The following CCDC18 variants were observed in gnomAD, a reference collection of about 807,000 sequenced individuals.
CCDC18 encodes coiled-coil domain-containing protein 18.
CCDC18 carries 157 observed loss-of-function variants against 196.0 expected under a neutral mutation model. The ratio of observed to expected loss-of-function variants is 0.80; its 90% confidence interval spans 0.70 to 0.91. CCDC18 has a LOEUF of 0.91. Ranked by LOEUF, CCDC18 falls within the 40% of genes least tolerant of loss-of-function variation. CCDC18 has a pLI of 0.00. For synonymous variants in CCDC18, 482 were observed against 529.2 expected, an observed-to-expected ratio of 0.91 and a Z score of 1.22; for missense variants, 1,465 against 1,611.6, an observed-to-expected ratio of 0.91 and a Z score of 1.56.
chr1:93,266,750 G>T (rs1664575593), intron 27 of CCDC18, among the ~76,000 whole-genome samples: 1 of 152,164 alleles, frequency 6.6e-6, no homozygotes, highest in Non-Finnish European at 1.5e-5. Flanking sequence ...CCAGGAAGAA[G>T]TTGAATCCCT....
chr1:93,193,734 C>G lies in CCDC18; in HGVS notation c.688C>G (p.Gln230Glu), dbSNP rs1317437048. ...LKVDLLEQTK[Q>E]GKRAERQRNE... ...GGTGGACTTACTTGAACAAACCAAA[C>G]AAGGAAAAAGGTATGTGTTTTTAAA... is the stretch of plus-strand genomic sequence containing the variant. Residue 230 changes from glutamine (Q) to glutamate (E), a missense_variant, in exon 6 of 29, where the codon CAA (glutamine) becomes GAA (glutamate). By Grantham distance (29) the Gln-to-Glu change is conservative (BLOSUM62 2). Transcript: ENST00000690025. 6.4e-7 allele frequency: 1 copy of G among 1,558,886 alleles called. No homozygotes were observed. Among genetic ancestry groups the G allele is most frequent in the Non-Finnish European group, 8.6e-7 (1 of 1,159,070 alleles).
At chr1:93,200,886 G>A (rs144722857) in intron 6 of CCDC18, among the ~76,000 whole-genome samples, 2 of 152,332 alleles carry the variant, frequency 1.3e-5, no homozygotes, top group African/African-American at 2.4e-5. Context: ...GAAGGTTTTT[G>A]TTTGTTTAAG....
At chr1:93,271,154 G>C in intron 28 of CCDC18, 1 of 985,224 alleles carries the variant, frequency 1.0e-6, no homozygotes, top group Non-Finnish European at 1.2e-6. Flanking sequence ...AGAGAAAGTA[G>C]GTTCTGAGGT....
intron 4 of CCDC18, among the ~76,000 whole-genome samples, chr1:93,187,437 C>T (rs957325693): frequency 6.6e-6 from 1 of 151,478 alleles, no homozygotes; most frequent in African/African-American, 2.4e-5. Context: ...GTGCATGTGT[C>T]TGTGTGTGTG....
intron 26 of CCDC18, among the ~76,000 whole-genome samples, chr1:93,263,937 G>A (rs989830622): frequency 1.1e-4 from 16 of 152,128 alleles, no homozygotes; most frequent in South Asian, 1.0e-3. Flanking sequence ...AAGGGCTGTC[G>A]CTGGATCTAC....
chr1:93,201,081 G>C (rs751071389), intron 6 of CCDC18, among the ~76,000 whole-genome samples: 1 of 152,116 alleles, frequency 6.6e-6, no homozygotes, highest in African/African-American at 2.4e-5. Flanking sequence ...ACTTGAACTT[G>C]TTTATACTTG....
rs199926520 is a variant in CCDC18 at position 93,204,691 on chromosome 1, TGTGA to T, written c.796-816_796-813del. On this transcript the variant is annotated intron_variant, in intron 7 of 28. Transcript: ENST00000690025. ...AGTGGTCATTCCTTTGCAGTAAAAC[TGTGA>T]GTATCACTTGGCAGTGTAAAATATT... is the stretch of plus-strand genomic sequence containing the variant. 6.6e-3 allele frequency among the ~76,000 whole-genome samples: 1,002 copies of T among 152,270 alleles called. 10 individuals carry two copies. The highest frequency in any genetic ancestry group is 8.4e-3 in the Non-Finnish European group (570 of 67,996).
intron 10 of CCDC18, among the ~76,000 whole-genome samples, chr1:93,211,261 G>C (rs543922731): frequency 2.3e-5 from 3 of 132,110 alleles, no homozygotes; most frequent in East Asian, 2.3e-4. Flanking sequence ...CTGAGCAACA[G>C]AGTGAGACTC....
chr1:93,216,060 G>T (rs1461381397), intron 12 of CCDC18, among the ~76,000 whole-genome samples: 1 of 152,224 alleles, frequency 6.6e-6, no homozygotes, highest in Non-Finnish European at 1.5e-5. Flanking sequence ...AGCCAAGGCT[G>T]AGGAAAAAGA....
chr1:93,266,206 C>T (rs555944366), intron 27 of CCDC18, among the ~76,000 whole-genome samples: 26 of 152,176 alleles, frequency 1.7e-4, no homozygotes, highest in Admixed American at 5.9e-4. Flanking sequence ...GGGTACATAA[C>T]GAAATGAAGG....
chr1:93,191,922 C>T (rs758897539), intron 4 of CCDC18, 78 bp from the exon 5 acceptor site: 5 of 949,782 alleles, frequency 5.3e-6, no homozygotes, highest in Non-Finnish European at 8.3e-6. Context: ...ACACCCTCAT[C>T]TGACAGGAAA....
chr1:93,191,887 A>G, intron 4 of CCDC18, 113 bp from the exon 5 acceptor site: 1 of 655,650 alleles, frequency 1.5e-6, no homozygotes, highest in Non-Finnish European at 2.7e-6. Context: ...TTTATATCTG[A>G]CCAATGATTT....
At chr1:93,201,500 G>T (rs1157825517) in intron 6 of CCDC18, among the ~76,000 whole-genome samples, 1 of 151,912 alleles carries the variant, frequency 6.6e-6, no homozygotes, top group Non-Finnish European at 1.5e-5. Context: ...AAAGGTCACA[G>T]AATTTACTGA....
At chr1:93,208,284 C>T (rs1655027951) in intron 9 of CCDC18, among the ~76,000 whole-genome samples, 1 of 151,990 alleles carries the variant, frequency 6.6e-6, no homozygotes, top group Non-Finnish European at 1.5e-5. Context: ...TTATTATAAC[C>T]ATCTTAGTGG....
intron 6 of CCDC18, among the ~76,000 whole-genome samples, chr1:93,201,187 C>G (rs572175053): frequency 6.6e-6 from 1 of 152,248 alleles, no homozygotes; most frequent in South Asian, 2.1e-4. Context: ...TAGAGTAATT[C>G]ACCCTGGATA....
intron 6 of CCDC18, 136 bp from the exon 7 acceptor site, chr1:93,201,756 G>A (rs1010566060): frequency 4.0e-6 from 2 of 499,466 alleles, no homozygotes; most frequent in Non-Finnish European, 7.0e-6. Flanking sequence ...TATACTTTAA[G>A]CCTAATACTC....
chr1:93,200,186 G>A (rs1653582673), intron 6 of CCDC18, among the ~76,000 whole-genome samples: 1 of 151,910 alleles, frequency 6.6e-6, no homozygotes, highest in Non-Finnish European at 1.5e-5. Context: ...CGTTTCCCAG[G>A]CTGGTCTCTA....
chr1:93,180,380 G>C (rs923325766), upstream of CCDC18: 316 of 1,256,952 alleles, frequency 2.5e-4, no homozygotes, highest in Non-Finnish European at 3.3e-4. Context: ...CGGCGGCGGC[G>C]AACACTCCCT....
chr1:93,253,318 G>C (rs372115398), intron 23 of CCDC18, among the ~76,000 whole-genome samples: 93 of 152,326 alleles, frequency 6.1e-4, no homozygotes, highest in South Asian at 2.3e-3. Context: ...CCTGTCTGCA[G>C]TGGGAGGTGC....
Sources: allele counts gnomAD v4.1 joint callset (sites outside exome capture counted in the v4.1 genomes callset), GRCh38; gene constraint gnomAD v4.1.1; transcripts MANE v1.5; gene names NCBI Gene and HGNC (gene_info 2026-07-23, HGNC 2026-07-21).